PRKCE: variants seen among roughly 807,000 people sequenced by gnomAD.
PRKCE encodes protein kinase C epsilon, also known as protein kinase C epsilon type.
Under a neutral mutation model 85.4 loss-of-function variants are expected in PRKCE, and 16 were observed. The ratio of observed to expected loss-of-function variants is 0.19; its 90% CI spans 0.13 to 0.28. The LOEUF is 0.28. PRKCE is among the 10% of genes least tolerant of loss of function. The probability of loss-of-function intolerance (pLI) is 1.00; values close to 1 mark genes in which losing one functional copy is unlikely to be tolerated. For synonymous variants in PRKCE, 388 were observed against 371.5 expected, an observed-to-expected ratio of 1.04 and a Z score of -0.51; for missense variants, 573 against 975.2, an observed-to-expected ratio of 0.59 and a Z score of 5.49.
chr2:45,849,518 AATGTCACTTGAG>A (rs1424078075), intron 2 of PRKCE, among the ~76,000 whole-genome samples: 4 of 152,306 alleles, frequency 2.6e-5, no homozygotes, highest in South Asian at 2.1e-4. Context: ...TTTAATAAGA[AATGTCACTTGAG>A]AGGTTAAGGA....
intron 2 of PRKCE, among the ~76,000 whole-genome samples, chr2:45,969,216 C>T (rs546429676): frequency 6.6e-6 from 1 of 152,024 alleles, no homozygotes; most frequent in South Asian, 2.1e-4. Context: ...ATTCTTGTTA[C>T]ATCCCCACAG....
intron 10 of PRKCE, among the ~76,000 whole-genome samples, chr2:46,049,425 G>A (rs936346489): frequency 6.6e-6 from 1 of 152,092 alleles, no homozygotes; most frequent in Non-Finnish European, 1.5e-5. Flanking sequence ...CCTGAGATAG[G>A]GCAACAGGAG....
At chr2:45,856,752 C>T (rs1461413017) in intron 2 of PRKCE, among the ~76,000 whole-genome samples, 1 of 152,196 alleles carries the variant, frequency 6.6e-6, no homozygotes, top group African/African-American at 2.4e-5. Flanking sequence ...TTACTCTCTT[C>T]TTCTATGAGA....
chr2:45,889,610 A>C lies in PRKCE; in HGVS notation c.412+46547A>C, dbSNP rs576751148. ...GGGAAGCCCTCAAATCTGAGTGTAC[A>C]CCTCTGCTTCTTAACACTAGGTGTG... On this transcript the variant is annotated intron_variant, in intron 2 of 14. Coordinates refer to ENST00000306156, the MANE Select transcript of PRKCE (RefSeq NM_005400.3). 5.3e-5 allele frequency among the ~76,000 whole-genome samples: 8 copies of C among 152,288 alleles called. No homozygotes were observed. In the East Asian group the frequency reaches 9.6e-4, roughly 18 times the overall value.
chr2:46,023,118 T>G (rs1032141515), intron 10 of PRKCE, among the ~76,000 whole-genome samples: 3 of 100,552 alleles, frequency 3.0e-5, no homozygotes, highest in Non-Finnish European at 6.4e-5. Context: ...AAATCATCTA[T>G]ATAGATAGAT....
intron 1 of PRKCE, among the ~76,000 whole-genome samples, chr2:45,818,582 C>G (rs775785397): frequency 6.6e-6 from 1 of 152,204 alleles, no homozygotes; most frequent in African/African-American, 2.4e-5. Context: ...CTTCTACCCT[C>G]CTTTCATCCT....
chr2:45,761,371 C>T (rs1684484966), intron 1 of PRKCE, among the ~76,000 whole-genome samples: 3 of 146,908 alleles, frequency 2.0e-5, no homozygotes, highest in Admixed American at 1.4e-4. Context: ...GAAAGGAATA[C>T]ATGCCAGTAG....
chr2:45,980,465 C>A, intron 5 of PRKCE, 84 bp downstream of exon 5: 1 of 1,263,272 alleles, frequency 7.9e-7, no homozygotes, highest in Non-Finnish European at 1.1e-6. Flanking sequence ...CCCAAGAAAA[C>A]CTTCTCTGCC....
intron 1 of PRKCE, among the ~76,000 whole-genome samples, chr2:45,740,695 A>G (rs1290033982): frequency 6.6e-6 from 1 of 152,104 alleles, no homozygotes; most frequent in Non-Finnish European, 1.5e-5. Flanking sequence ...ATCTCATTAC[A>G]ATCTGAGCAT....
rs1036837883 is a variant in PRKCE at position 45,785,696 on chromosome 2, GTTTTGT to G, written c.349-57300_349-57295del. The stretch of plus-strand genomic sequence containing the variant: ...ACTCAGGCATCCTATGTAGCACCTG[GTTTTGT>G]TTTCCAAACTTATGGTGACCACTAC... On this transcript the variant is annotated intron_variant, in intron 1 of 14. Transcript: ENST00000306156. 8.6e-4 allele frequency among the ~76,000 whole-genome samples: 131 copies of G among 152,162 alleles called. 2 individuals are homozygous for G. The highest frequency in any genetic ancestry group is 2.9e-3 in the African/African-American group (119 of 41,500).
intron 13 of PRKCE, among the ~76,000 whole-genome samples, chr2:46,153,396 G>T (rs760886364): frequency 1.1e-4 from 16 of 152,186 alleles, no homozygotes; most frequent in Admixed American, 2.6e-4. Flanking sequence ...CCTGCTTACA[G>T]ACTAGTGAAT....
intron 1 of PRKCE, among the ~76,000 whole-genome samples, chr2:45,692,111 A>G (rs10200692): frequency 0.014 from 2,104 of 152,280 alleles, 48 homozygotes; most frequent in African/African-American, 0.048. Context: ...CAAGAAGTTA[A>G]TGAGTTTTAA....
intron 2 of PRKCE, among the ~76,000 whole-genome samples, chr2:45,900,764 C>A (rs1696515886): frequency 6.6e-6 from 1 of 152,114 alleles, no homozygotes; most frequent in Non-Finnish European, 1.5e-5. Context: ...CCATTTTAAC[C>A]ACGTTTGTGT....
chr2:45,921,293 T>C (rs1698229070), intron 2 of PRKCE, among the ~76,000 whole-genome samples: 1 of 152,210 alleles, frequency 6.6e-6, no homozygotes, highest in Non-Finnish European at 1.5e-5. Context: ...CCAGAATTCC[T>C]ATAGCCTTTG....
At chr2:45,872,090 GA>G (rs5830879) in intron 2 of PRKCE, among the ~76,000 whole-genome samples, 38,297 of 151,810 alleles carry the variant, frequency 0.25, 4,805 homozygotes, top group East Asian at 0.35. Context: ...GCAGATACTT[GA>G]AAAGTCCTAG....
At chr2:46,042,707 T>C (rs952038408) in intron 10 of PRKCE, among the ~76,000 whole-genome samples, 3 of 152,220 alleles carry the variant, frequency 2.0e-5, no homozygotes, top group South Asian at 2.1e-4. Context: ...GCTTCTTCCA[T>C]GTTACAAAAC....
intron 2 of PRKCE, among the ~76,000 whole-genome samples, chr2:45,938,767 T>C (rs1699665539): frequency 1.3e-5 from 2 of 152,240 alleles, no homozygotes; most frequent in South Asian, 2.1e-4. Context: ...AAAGCTTATA[T>C]TTACAAAGTC....
chr2:45,718,265 A>G (rs7571291), intron 1 of PRKCE, among the ~76,000 whole-genome samples: 129,367 of 151,784 alleles, frequency 0.85, 55,425 homozygotes, highest in East Asian at 0.94. Flanking sequence ...ATTGCCCCCA[A>G]TTGAGAATCA....
chr2:45,702,917 C>G (rs879152393), intron 1 of PRKCE, among the ~76,000 whole-genome samples: 1 of 152,150 alleles, frequency 6.6e-6, no homozygotes, highest in Non-Finnish European at 1.5e-5. Context: ...CACAGAAAGA[C>G]TTCTGGGCTT....
Sources: allele counts gnomAD v4.1 joint callset (sites outside exome capture counted in the v4.1 genomes callset), GRCh38; gene constraint gnomAD v4.1.1; transcripts MANE v1.5; gene names NCBI Gene and HGNC (gene_info 2026-07-23, HGNC 2026-07-21).